The following SLC9A8 variants were observed in gnomAD, a reference collection of about 807,000 sequenced individuals.
The protein encoded by SLC9A8 is sodium/hydrogen exchanger 8.
In SLC9A8, 48 loss-of-function variants were observed where a neutral mutation model predicts 66.6. The observed-to-expected ratio is 0.72, with a 90% CI of 0.57 to 0.92. SLC9A8 has a LOEUF of 0.92. Ranked by LOEUF, SLC9A8 falls within the 40% of genes least tolerant of loss-of-function variation. SLC9A8 has a pLI of 0.00. For missense variants in SLC9A8, 599 were observed against 747.3 expected, an observed-to-expected ratio of 0.80 and a Z score of 2.31; for synonymous variants, 274 against 282.6, an observed-to-expected ratio of 0.97 and a Z score of 0.31.
chr20:49,837,623 G>T (rs544053611), intron 3 of SLC9A8, among the ~76,000 whole-genome samples: 2 of 152,046 alleles, frequency 1.3e-5, no homozygotes, highest in East Asian at 3.9e-4. Context: ...AGGCTGGAGT[G>T]CAGTGGCATG....
chr20:49,869,294 A>G (rs1448319309), intron 10 of SLC9A8, among the ~76,000 whole-genome samples: 2 of 152,050 alleles, frequency 1.3e-5, no homozygotes, highest in East Asian at 3.9e-4. Flanking sequence ...ATCTCGGCTC[A>G]CTGCGACCTC....
chr20:49,861,994 C>T (rs974460588), intron 8 of SLC9A8, among the ~76,000 whole-genome samples: 2 of 152,068 alleles, frequency 1.3e-5, no homozygotes, highest in African/African-American at 4.8e-5. Flanking sequence ...ACTCCCCAGG[C>T]CTTCAAGCTG....
intron 4 of SLC9A8, among the ~76,000 whole-genome samples, chr20:49,844,286 A>G (rs1295273476): frequency 6.6e-6 from 1 of 152,138 alleles, no homozygotes; most frequent in Non-Finnish European, 1.5e-5. Context: ...TTTTAACCAT[A>G]TATAGGATTT....
chr20:49,817,491 G>C (rs1411075552), intron 2 of SLC9A8, among the ~76,000 whole-genome samples: 4 of 148,588 alleles, frequency 2.7e-5, no homozygotes, highest in Non-Finnish European at 5.9e-5. Context: ...ATGTGTATTA[G>C]GACTGTTTAT....
intron 8 of SLC9A8, among the ~76,000 whole-genome samples, chr20:49,859,482 CT>C (rs3092482): frequency 0.35 from 49,543 of 143,510 alleles, 9,077 homozygotes; most frequent in South Asian, 0.57. Flanking sequence ...CCCCCTCCAC[CT>C]TTTTTTTTTT....
chr20:49,825,938 G>GA (rs1568796363), intron 3 of SLC9A8, among the ~76,000 whole-genome samples: 1 of 152,214 alleles, frequency 6.6e-6, no homozygotes, highest in African/African-American at 2.4e-5. Flanking sequence ...AAAAGTTGCA[G>GA]GATGAACTCT....
intron 3 of SLC9A8, 74 bp downstream of exon 3, chr20:49,823,215 C>A: frequency 9.2e-7 from 1 of 1,087,394 alleles, no homozygotes; most frequent in Non-Finnish European, 1.4e-6. Context: ...TCTTTAGTGC[C>A]AGGAACCACA....
intron 14 of SLC9A8, 148 bp downstream of exon 14, chr20:49,884,214 A>C (rs2089741137): frequency 2.9e-6 from 1 of 343,240 alleles, no homozygotes. Flanking sequence ...ACACACACAC[A>C]CACACACACA....
intron 3 of SLC9A8, among the ~76,000 whole-genome samples, chr20:49,833,058 A>T (rs548313117): frequency 2.1e-4 from 32 of 152,178 alleles, no homozygotes; most frequent in African/African-American, 6.5e-4. Context: ...GGCACGTGCC[A>T]CCACACTCCG....
chr20:49,821,070 C>G (rs549935994), intron 2 of SLC9A8, among the ~76,000 whole-genome samples: 6 of 152,178 alleles, frequency 3.9e-5, no homozygotes, highest in African/African-American at 1.4e-4. Context: ...ATTTTCTCCC[C>G]TTCTATGGAT....
intron 7 of SLC9A8, among the ~76,000 whole-genome samples, chr20:49,853,686 C>G (rs2088345807): frequency 6.6e-6 from 1 of 152,220 alleles, no homozygotes; most frequent in African/African-American, 2.4e-5. Flanking sequence ...CTGCAAGTGT[C>G]TCTGGGCCAT....
chr20:49,882,131 CA>C (rs1474712660), intron 13 of SLC9A8, among the ~76,000 whole-genome samples: 3 of 152,186 alleles, frequency 2.0e-5, no homozygotes, highest in Non-Finnish European at 4.4e-5. Flanking sequence ...CTCCTTCCCA[CA>C]AAACACCAGC....
intron 2 of SLC9A8, among the ~76,000 whole-genome samples, chr20:49,816,168 C>T (rs117878815): frequency 0.037 from 5,626 of 152,174 alleles, 158 homozygotes; most frequent in East Asian, 0.097. Context: ...GCTGGTAATA[C>T]CAACACTTTG....
intron 3 of SLC9A8, chr20:49,830,065 A>G: frequency 1.4e-6 from 1 of 716,182 alleles, no homozygotes; most frequent in Non-Finnish European, 2.6e-6. Context: ...AGCCTGTTAA[A>G]GATGCAGATC....
intron 7 of SLC9A8, among the ~76,000 whole-genome samples, chr20:49,854,694 A>T (rs1343098990): frequency 6.6e-6 from 1 of 152,154 alleles, no homozygotes; most frequent in East Asian, 1.9e-4. Flanking sequence ...AAGTTACTTC[A>T]TCATCCCGTT....
intron 4 of SLC9A8, among the ~76,000 whole-genome samples, chr20:49,842,814 G>T (rs1441093510): frequency 2.0e-5 from 3 of 152,204 alleles, no homozygotes; most frequent in Admixed American, 6.5e-5. Flanking sequence ...GAGGCCAGAA[G>T]TGAGAAGTCA....
intron 8 of SLC9A8, among the ~76,000 whole-genome samples, chr20:49,856,135 G>A (rs146648712): frequency 6.6e-6 from 1 of 152,200 alleles, no homozygotes; most frequent in Non-Finnish European, 1.5e-5. Flanking sequence ...TGGTTTCTGA[G>A]CCCAGCTTGT....
At chr20:49,835,195 T>G (rs112544326) in intron 3 of SLC9A8, among the ~76,000 whole-genome samples, 1 of 148,978 alleles carries the variant, frequency 6.7e-6, no homozygotes, top group Non-Finnish European at 1.5e-5. Flanking sequence ...TCTGGGTTTG[T>G]TTTTTTTTTT....
rs148082968 is a variant in SLC9A8 at position 49,879,022 on chromosome 20, T to C, written c.1158+959T>C. Among the ~76,000 whole-genome samples, 770 of 149,376 alleles carry C rather than the reference T, an allele frequency of 5.2e-3. 12 individuals carry two copies. The highest frequency in any genetic ancestry group is 0.018 in the African/African-American group (743 of 40,484). On this transcript the variant is annotated intron_variant, in intron 12 of 15. Coordinates refer to ENST00000361573, the MANE Select transcript of SLC9A8 (RefSeq NM_015266.3). ...TGGGCAAAAAGAGCGAAAGTCCATC[T>C]CAAAAAAAAAAAGTATAATAGCCTT...
Sources: gnomAD v4.1 joint callset for allele counts (sites outside exome capture counted in the v4.1 genomes callset) on GRCh38, gnomAD v4.1.1 for gene constraint, MANE v1.5 for transcripts, NCBI Gene and HGNC (gene_info 2026-07-23, HGNC 2026-07-21) for gene names.